The following LMO7 variants were observed in gnomAD, a reference collection of about 807,000 sequenced individuals.
LMO7 encodes the protein LIM domain only protein 7.
LMO7 carries 120 observed loss-of-function variants against 206.5 expected under a neutral mutation model. The ratio of observed to expected loss-of-function variants is 0.58; its 90% CI spans 0.50 to 0.68. LMO7 has a LOEUF of 0.68. LMO7 is among the 30% of genes least tolerant of loss of function. The probability of loss-of-function intolerance (pLI) is 0.00; values close to 1 mark genes in which losing one functional copy is unlikely to be tolerated. For synonymous variants in LMO7, 706 were observed against 681.5 expected, an observed-to-expected ratio of 1.04 and a Z score of -0.56; for missense variants, 1,959 against 1,957.9, an observed-to-expected ratio of 1.00 and a Z score of -0.01.
chr13:75,850,664 A>T (rs192006565), intron 27 of LMO7, among the ~76,000 whole-genome samples: 2 of 152,300 alleles, frequency 1.3e-5, no homozygotes, highest in African/African-American at 4.8e-5. Context: ...CTGAAGATTG[A>T]CTGGGCAGTT....
At chr13:75,637,178 G>T (rs557644888) in intron 1 of LMO7, among the ~76,000 whole-genome samples, 7 of 151,896 alleles carry the variant, frequency 4.6e-5, no homozygotes, top group Admixed American at 1.3e-4. Context: ...CAGTGTGGAG[G>T]GGGGGAGCGG....
chr13:75,701,207 G>A (rs1181372940), intron 1 of LMO7, among the ~76,000 whole-genome samples: 4 of 151,742 alleles, frequency 2.6e-5, no homozygotes, highest in South Asian at 2.1e-4. Context: ...GATGGACTTC[G>A]TTGTTGTTGG....
At chr13:75,778,027 C>T (rs1045991868) in intron 4 of LMO7, among the ~76,000 whole-genome samples, 5 of 152,118 alleles carry the variant, frequency 3.3e-5, no homozygotes, top group African/African-American at 1.2e-4. Flanking sequence ...TCACTGATTA[C>T]CCTTCTTCAG....
chr13:75,692,267 A>T (rs1175007430), intron 1 of LMO7, among the ~76,000 whole-genome samples: 1 of 152,196 alleles, frequency 6.6e-6, no homozygotes, highest in Non-Finnish European at 1.5e-5. Flanking sequence ...CTAGTTCTGC[A>T]GATTGGGTCA....
chr13:75,681,727 T>TATATATATAC (rs1424470004), intron 1 of LMO7, among the ~76,000 whole-genome samples: 5 of 103,578 alleles, frequency 4.8e-5, no homozygotes, highest in South Asian at 3.3e-4. Flanking sequence ...TGTATATATA[T>TATATATATAC]ATATATATAT....
chr13:75,747,128 A>G (rs962688171), intron 3 of LMO7, among the ~76,000 whole-genome samples: 2 of 152,202 alleles, frequency 1.3e-5, no homozygotes, highest in Non-Finnish European at 2.9e-5. Context: ...TTTATCAGGG[A>G]TAAATTTCAA....
At chr13:75,705,028 G>A (rs919377064) in intron 1 of LMO7, among the ~76,000 whole-genome samples, 1 of 152,064 alleles carries the variant, frequency 6.6e-6, no homozygotes, top group Non-Finnish European at 1.5e-5. Flanking sequence ...GGGCTTCTTC[G>A]GAGGCCACAG....
intron 4 of LMO7, among the ~76,000 whole-genome samples, chr13:75,769,851 G>A (rs2049397221): frequency 1.3e-5 from 2 of 152,038 alleles, no homozygotes; most frequent in Non-Finnish European, 2.9e-5. Context: ...GCTGTCAATT[G>A]TTTTGAAATG....
At chr13:75,754,774 A>C (rs1348413044) in intron 3 of LMO7, among the ~76,000 whole-genome samples, 3 of 152,200 alleles carry the variant, frequency 2.0e-5, no homozygotes, top group African/African-American at 7.2e-5. Context: ...TGCTTTTGGA[A>C]GGAAAATGGG....
chr13:75,728,519 A>C lies in LMO7; in HGVS notation c.210+1421A>C, dbSNP rs2044722790. Among the ~76,000 whole-genome samples the C allele has an allele frequency of 2.1e-5, 3 of 143,618 alleles. No individual in the cohort carries two copies. In the South Asian group the frequency reaches 6.7e-4, roughly 32 times the overall value. The allele number at this position is 143,618 out of a possible 152,430, so 94.2% of individuals were successfully genotyped here. On this transcript the variant is annotated intron_variant, in intron 3 of 30. Coordinates refer to ENST00000377534, the MANE Select transcript of LMO7 (RefSeq NM_001306080.2). ...TGTTTGAGTTCATTGTAGATTCTGG[A>C]TATTAGCCCTTTGTCAGATGAGTAG...
intron 7 of LMO7, among the ~76,000 whole-genome samples, chr13:75,801,834 C>T (rs1285157630): frequency 6.6e-6 from 1 of 152,144 alleles, no homozygotes; most frequent in East Asian, 1.9e-4. Flanking sequence ...CCTAGCATAT[C>T]TATGACAAAA....
Position 75,856,742 on chromosome 13 carries a change from G to A in LMO7, c.4873+134G>A, listed in dbSNP as rs554280259. ...GATTCCAGGTTTCAAGAATTGTAGT[G>A]TGTTCCCTTCAAAGAGTGTGTATAG... On this transcript the variant is annotated intron_variant, in intron 30 of 30. Transcript: ENST00000377534. The A allele has an allele frequency of 7.8e-6, 5 of 640,614 alleles. No homozygotes were observed. The East Asian group carries it at 8.2e-5, about 11-fold the overall frequency. 39.7% of individuals were successfully genotyped at this position (640,614 alleles called of 1,614,324 possible). A position where few individuals can be genotyped will look rare whatever the true frequency, so the allele number is the denominator to read the frequency against.
chr13:75,823,698 C>A lies in LMO7; in HGVS notation c.2774C>A (p.Ala925Glu), dbSNP rs2057825090. The A allele has an allele frequency of 6.2e-7, 1 of 1,614,168 alleles. No individual in the cohort carries two copies. The highest frequency in any genetic ancestry group is 8.5e-7 in the Non-Finnish European group (1 of 1,180,026). The change falls in exon 15 of 31, where the codon GCA becomes GAA. Residue 925 changes from alanine to glutamate, a missense_variant. Physicochemically the swap from Ala to Glu is moderately radical, Grantham distance 107 (BLOSUM62 -1). Transcript: ENST00000377534. ...ASSLSSQKEV[A>E]ATEEDVTRLP... ...AGCTTATCTAGCCAGAAAGAGGTAG[C>A]AGCAACAGAAGAAGATGTGACAAGG...
intron 25 of LMO7, among the ~76,000 whole-genome samples, chr13:75,844,679 G>T (rs570692199): frequency 6.6e-6 from 1 of 152,088 alleles, no homozygotes; most frequent in African/African-American, 2.4e-5. Context: ...AAAGTGCTGG[G>T]ATTACAGGAG....
chr13:75,733,749 G>C (rs2045523820), intron 3 of LMO7, among the ~76,000 whole-genome samples: 1 of 152,204 alleles, frequency 6.6e-6, no homozygotes, highest in Admixed American at 6.5e-5. Flanking sequence ...GACTTGAGCT[G>C]TTCCTATTCG....
At chr13:75,633,957 C>T (rs1304628201), upstream of LMO7, among the ~76,000 whole-genome samples, 5 of 146,834 alleles carry the variant, frequency 3.4e-5, no homozygotes, top group Admixed American at 1.4e-4. Context: ...AAGCGATTCT[C>T]CTGCCTCAGG....
At chr13:75,856,305 T>G (rs771715641) in intron 29 of LMO7, among the ~76,000 whole-genome samples, 4 of 152,206 alleles carry the variant, frequency 2.6e-5, no homozygotes, top group South Asian at 2.1e-4. Context: ...CTCTTAATAT[T>G]GGCTTTATGA....
chr13:75,765,464 T>C (rs2048742672), intron 4 of LMO7, among the ~76,000 whole-genome samples: 1 of 151,864 alleles, frequency 6.6e-6, no homozygotes, highest in Non-Finnish European at 1.5e-5. Context: ...CATGTGACTA[T>C]TTTAAAATGT....
intron 4 of LMO7, among the ~76,000 whole-genome samples, chr13:75,775,184 G>A (rs2050213325): frequency 6.6e-6 from 1 of 151,920 alleles, no homozygotes; most frequent in African/African-American, 2.4e-5. Context: ...TGAGCCTTTA[G>A]TATCTTTTAA....
Sources: allele counts gnomAD v4.1 joint callset (sites outside exome capture counted in the v4.1 genomes callset), GRCh38; gene constraint gnomAD v4.1.1; transcripts MANE v1.5; gene names NCBI Gene and HGNC (gene_info 2026-07-23, HGNC 2026-07-21).